The following ALCAM variants were observed in gnomAD, a reference collection of about 807,000 sequenced individuals.
ALCAM encodes the protein activated leukocyte cell adhesion molecule, also known as CD166 antigen.
In ALCAM, 30 loss-of-function variants were observed where a neutral mutation model predicts 70.9. The ratio of observed to expected loss-of-function variants is 0.42; its 90% CI spans 0.32 to 0.57. The LOEUF (loss-of-function observed/expected upper bound fraction) is 0.57, where lower values mean the gene tolerates loss of function less well. Among genes scored for constraint, ALCAM ranks in the 20% least tolerant of loss-of-function variants. The pLI, the probability that ALCAM is intolerant of heterozygous loss-of-function variation, is 0.11. For missense variants in ALCAM, 591 were observed against 695.1 expected (o/e 0.85, Z 1.68); for synonymous variants, 249 against 242.5 (o/e 1.03, Z -0.25).
chr3:105,546,273 A>G (rs629187), intron 9 of ALCAM, among the ~76,000 whole-genome samples: 23,202 of 151,344 alleles, frequency 0.15, 1,943 homozygotes, highest in Admixed American at 0.27. Flanking sequence ...TTTATAAGAA[A>G]CTGTGGAGAA....
intron 1 of ALCAM, among the ~76,000 whole-genome samples, chr3:105,455,205 G>T (rs1937518631): frequency 6.6e-6 from 1 of 151,702 alleles, no homozygotes; most frequent in Non-Finnish European, 1.5e-5. Flanking sequence ...TCTTTGGGAG[G>T]CCGAGGCGGG....
At chr3:105,374,016 AG>A (rs1197589208) in intron 1 of ALCAM, among the ~76,000 whole-genome samples, 1 of 152,240 alleles carries the variant, frequency 6.6e-6, no homozygotes, top group African/African-American at 2.4e-5. Flanking sequence ...AAAAACAAAA[AG>A]AAAAGAACAT....
chr3:105,534,914 T>G (rs548916544), intron 6 of ALCAM, 69 bp downstream of exon 6: 1 of 1,407,138 alleles, frequency 7.1e-7, no homozygotes, highest in East Asian at 2.5e-5. Context: ...TATTAATCTT[T>G]GAGGTCCCAA....
At chr3:105,461,181 G>A (rs866192304) in intron 1 of ALCAM, among the ~76,000 whole-genome samples, 1 of 151,930 alleles carries the variant, frequency 6.6e-6, no homozygotes. Flanking sequence ...GGACAAAAGG[G>A]TCAGTAGCTA....
At chr3:105,569,069 G>GAT (rs149759642) in intron 14 of ALCAM, among the ~76,000 whole-genome samples, 1 of 147,336 alleles carries the variant, frequency 6.8e-6, no homozygotes, top group Admixed American at 6.8e-5. Context: ...TTACATTGTT[G>GAT]TTTTTTTTTT....
chr3:105,488,004 G>A (rs1414330546), intron 1 of ALCAM, among the ~76,000 whole-genome samples: 2 of 152,156 alleles, frequency 1.3e-5, no homozygotes, highest in Non-Finnish European at 2.9e-5. Flanking sequence ...GGTCATGGGG[G>A]TAGATTTTTC....
intron 1 of ALCAM, among the ~76,000 whole-genome samples, chr3:105,466,274 T>A (rs989877119): frequency 6.6e-6 from 1 of 151,390 alleles, no homozygotes; most frequent in Admixed American, 6.6e-5. Context: ...GCATCTTGAA[T>A]GTTCTCCAAG....
chr3:105,506,948 AC>A (rs1183802083), intron 1 of ALCAM, among the ~76,000 whole-genome samples: 1 of 151,452 alleles, frequency 6.6e-6, no homozygotes, highest in Admixed American at 6.6e-5. Flanking sequence ...GACTGGAATC[AC>A]CTCTGCTAAT....
At chr3:105,414,948 GAAGAT>G (rs1443140537) in intron 1 of ALCAM, among the ~76,000 whole-genome samples, 1 of 152,108 alleles carries the variant, frequency 6.6e-6, no homozygotes, top group African/African-American at 2.4e-5. Context: ...AAGCTAATGT[GAAGAT>G]AAGGGGAAAA....
intron 1 of ALCAM, among the ~76,000 whole-genome samples, chr3:105,443,390 G>T (rs1272007525): frequency 6.6e-6 from 1 of 152,026 alleles, no homozygotes. Flanking sequence ...TCTGCAAGGC[G>T]CAGTGTGTCT....
rs1217807803 is a variant in ALCAM at position 105,550,139 on chromosome 3, C to A, written c.1387C>A (p.Pro463Thr). 13 of 1,591,202 alleles carry A rather than the reference C, an allele frequency of 8.2e-6. No homozygotes were observed. Among genetic ancestry groups the A allele is most frequent in the Non-Finnish European group, 1.1e-5 (13 of 1,163,602 alleles). The change falls in exon 12 of 16, where the codon CCT becomes ACT. Residue 463 changes from proline (P) to threonine (T), a missense_variant. By Grantham distance (38) the Pro-to-Thr change is conservative. Coordinates refer to ENST00000306107, the MANE Select transcript of ALCAM (RefSeq NM_001627.4). ...CTTCTTTTTCCAGACAGAGGAATCT[C>A]CTTATATTAATGGCAGGTATTATAG... ...GSVINQTEES[P>T]YINGRYYSKI...
chr3:105,467,498 G>A (rs933109059), intron 1 of ALCAM, among the ~76,000 whole-genome samples: 4 of 151,016 alleles, frequency 2.6e-5, no homozygotes, highest in Admixed American at 6.6e-5. Flanking sequence ...TTGACTATAC[G>A]GCGCTCCTTT....
intron 1 of ALCAM, among the ~76,000 whole-genome samples, chr3:105,488,017 C>G (rs1451377255): frequency 6.6e-6 from 1 of 152,116 alleles, no homozygotes; most frequent in Non-Finnish European, 1.5e-5. Flanking sequence ...GATTTTTCAT[C>G]AATAGATTAA....
At chr3:105,403,685 C>T (rs1313921372) in intron 1 of ALCAM, among the ~76,000 whole-genome samples, 1 of 151,786 alleles carries the variant, frequency 6.6e-6, no homozygotes, top group Non-Finnish European at 1.5e-5. Context: ...TTCTTCAACA[C>T]CCCAAAAAGA....
intron 1 of ALCAM, among the ~76,000 whole-genome samples, chr3:105,515,704 T>C (rs1378158310): frequency 1.3e-5 from 2 of 152,032 alleles, no homozygotes; most frequent in Non-Finnish European, 2.9e-5. Context: ...TAAAGACTTA[T>C]TTGGTCCAAT....
chr3:105,438,174 A>G (rs944655159), intron 1 of ALCAM, among the ~76,000 whole-genome samples: 2 of 152,068 alleles, frequency 1.3e-5, no homozygotes, highest in African/African-American at 4.8e-5. Context: ...GCTACTGGGT[A>G]TGATGGAGAA....
At chr3:105,375,125 A>G (rs1429802913) in intron 1 of ALCAM, among the ~76,000 whole-genome samples, 1 of 152,172 alleles carries the variant, frequency 6.6e-6, no homozygotes, top group Non-Finnish European at 1.5e-5. Context: ...TGTGTTACCT[A>G]TTATAGACAT....
chr3:105,460,000 A>G (rs1452137014), intron 1 of ALCAM, among the ~76,000 whole-genome samples: 1 of 152,048 alleles, frequency 6.6e-6, no homozygotes, highest in Non-Finnish European at 1.5e-5. Flanking sequence ...TATAGAAAAA[A>G]TTGCTGGAAA....
chr3:105,529,831 G>T (rs547118392), intron 3 of ALCAM, among the ~76,000 whole-genome samples: 6 of 152,118 alleles, frequency 3.9e-5, no homozygotes, highest in East Asian at 1.9e-4. Context: ...ACATTACAGG[G>T]TTTACAAAGC....
Sources: allele counts gnomAD v4.1 joint callset (sites outside exome capture counted in the v4.1 genomes callset), GRCh38; gene constraint gnomAD v4.1.1; transcripts MANE v1.5; gene names NCBI Gene and HGNC (gene_info 2026-07-23, HGNC 2026-07-21).